Variants in MAPRE2 observed in about 807,000 individuals in gnomAD.
The protein encoded by MAPRE2 is microtubule-associated protein RP/EB family member 2.
MAPRE2 carries 13 observed loss-of-function variants against 43.2 expected under a neutral mutation model. The ratio of observed to expected loss-of-function variants is 0.30; its 90% CI spans 0.20 to 0.48. The LOEUF (loss-of-function observed/expected upper bound fraction) is 0.48, where lower values mean the gene tolerates loss of function less well. MAPRE2 is among the 20% of genes least tolerant of loss of function. The pLI is 0.99. For synonymous variants in MAPRE2, 135 were observed against 148.8 expected, an observed-to-expected ratio of 0.91 and a Z score of 0.68; for missense variants, 161 against 400.2, an observed-to-expected ratio of 0.40 and a Z score of 5.10.
chr18:35,070,490 A>G, intron 2 of MAPRE2, 168 bp downstream of exon 2: 1 of 500,970 alleles, frequency 2.0e-6, no homozygotes, highest in African/African-American at 2.0e-5. Context: ...CGTATTGGGA[A>G]AAGTGTTTAT....
intron 1 of MAPRE2, among the ~76,000 whole-genome samples, chr18:34,994,491 A>G (rs1324804729): frequency 6.6e-6 from 1 of 152,110 alleles, no homozygotes; most frequent in Non-Finnish European, 1.5e-5. Context: ...GAGGCAGCAA[A>G]AAAGGCCTTG....
intron 2 of MAPRE2, among the ~76,000 whole-genome samples, chr18:35,072,886 G>A (rs951751228): frequency 1.3e-5 from 2 of 152,028 alleles, no homozygotes; most frequent in African/African-American, 4.8e-5. Context: ...TGGTTCAGAA[G>A]AATGAAGTGG....
At chr18:35,054,937 G>A (rs1351650952) in intron 1 of MAPRE2, among the ~76,000 whole-genome samples, 1 of 152,166 alleles carries the variant, frequency 6.6e-6, no homozygotes, top group Admixed American at 6.5e-5. Context: ...GAGGGGAAAT[G>A]ACCGAAGTCG....
intron 2 of MAPRE2, among the ~76,000 whole-genome samples, chr18:35,018,632 T>C (rs2097039998): frequency 6.6e-6 from 1 of 152,008 alleles, no homozygotes; most frequent in Non-Finnish European, 1.5e-5. Context: ...CATAATAGCC[T>C]CTGAGGATCT....
chr18:34,999,520 T>A (rs1344802083), intron 1 of MAPRE2, among the ~76,000 whole-genome samples: 1 of 152,204 alleles, frequency 6.6e-6, no homozygotes, highest in African/African-American at 2.4e-5. Context: ...GAATTTTTAT[T>A]TTATTGTAAC....
chr18:35,140,265 T>G, intron 6 of MAPRE2, 30 bp from the exon 7 acceptor site: 1 of 1,603,120 alleles, frequency 6.2e-7, no homozygotes, highest in Non-Finnish European at 8.5e-7. Context: ...CAGTCAATTA[T>G]CTCAGCTGAA....
intron 4 of MAPRE2, among the ~76,000 whole-genome samples, chr18:35,116,623 C>T (rs1032528999): frequency 3.3e-5 from 5 of 152,210 alleles, no homozygotes; most frequent in African/African-American, 1.2e-4. Flanking sequence ...TTCCTAGAGG[C>T]CACTTGCACC....
At chr18:35,067,419 A>T (rs563092316) in intron 1 of MAPRE2, among the ~76,000 whole-genome samples, 1 of 152,256 alleles carries the variant, frequency 6.6e-6, no homozygotes, top group African/African-American at 2.4e-5. Context: ...GTTTATATGG[A>T]TTTTTAAAAA....
At chr18:35,065,369 T>C (rs1446409705) in intron 1 of MAPRE2, among the ~76,000 whole-genome samples, 3 of 152,066 alleles carry the variant, frequency 2.0e-5, no homozygotes, top group Admixed American at 6.6e-5. Context: ...AAAAAGTGTG[T>C]AACTATATTG....
chr18:35,039,860 C>A (rs1251430237), upstream of MAPRE2, among the ~76,000 whole-genome samples: 3 of 152,186 alleles, frequency 2.0e-5, no homozygotes, highest in Non-Finnish European at 4.4e-5. Flanking sequence ...CACCCCAATT[C>A]TTCCCTTTTC....
chr18:34,977,474 C>T (rs1233640421), intron 1 of MAPRE2, among the ~76,000 whole-genome samples: 1 of 152,206 alleles, frequency 6.6e-6, no homozygotes, highest in Non-Finnish European at 1.5e-5. Context: ...CGCGACTGCG[C>T]GACCGCGGCG....
At chr18:35,011,738 A>G (rs2097034807) in intron 2 of MAPRE2, among the ~76,000 whole-genome samples, 1 of 152,156 alleles carries the variant, frequency 6.6e-6, no homozygotes, top group Admixed American at 6.5e-5. Context: ...AGGTGGCAAA[A>G]AAAAGGAAAA....
At chr18:35,100,971 G>A (rs538158541) in intron 3 of MAPRE2, among the ~76,000 whole-genome samples, 30 of 152,284 alleles carry the variant, frequency 2.0e-4, no homozygotes, top group South Asian at 1.0e-3. Flanking sequence ...CCCAGGAGGC[G>A]GAGGTTGCAG....
At chr18:35,043,806 T>C (rs1905485942) in intron 1 of MAPRE2, among the ~76,000 whole-genome samples, 1 of 152,202 alleles carries the variant, frequency 6.6e-6, no homozygotes, top group Non-Finnish European at 1.5e-5. Context: ...GACAGACACA[T>C]TCGATGTTTT....
chr18:34,983,619 T>TGTTCATTTAA (rs1219634658), intron 1 of MAPRE2, among the ~76,000 whole-genome samples: 1 of 152,214 alleles, frequency 6.6e-6, no homozygotes, highest in African/African-American at 2.4e-5. Context: ...ATTTTATTTC[T>TGTTCATTTAA]TTTCATTTAA....
intron 4 of MAPRE2, among the ~76,000 whole-genome samples, chr18:35,118,182 G>A (rs1478384262): frequency 6.6e-6 from 1 of 152,140 alleles, no homozygotes; most frequent in Admixed American, 6.5e-5. Flanking sequence ...AGGTCCTCAG[G>A]TGCTGACCAC....
intron 1 of MAPRE2, among the ~76,000 whole-genome samples, chr18:35,050,008 AGGT>A (rs1235874992): frequency 6.6e-6 from 1 of 152,236 alleles, no homozygotes; most frequent in Non-Finnish European, 1.5e-5. Context: ...GGTCATCACT[AGGT>A]TAAAAATATT....
At chr18:35,046,398 C>T (rs1905622671) in intron 1 of MAPRE2, among the ~76,000 whole-genome samples, 1 of 152,148 alleles carries the variant, frequency 6.6e-6, no homozygotes, top group Non-Finnish European at 1.5e-5. Context: ...AAAAGTTTCT[C>T]TGAAGTCCAG....
rs896992741 is a variant in MAPRE2, at chr18:35,092,031, G to A, written c.251-5415G>A. ...GTGGCTGGAGCAGGAGCAAGAGAGA[G>A]ATGTGGGAGTTGCTTCACACTTGCT... On this transcript the variant is annotated intron_variant, in intron 2 of 6. Transcript: ENST00000300249. 2.6e-5 allele frequency among the ~76,000 whole-genome samples: 4 copies of A among 152,184 alleles called. No homozygotes were observed. In the East Asian group the frequency reaches 7.7e-4, roughly 29 times the overall value.
Sources: gnomAD v4.1 joint callset for allele counts (sites outside exome capture counted in the v4.1 genomes callset) on GRCh38, gnomAD v4.1.1 for gene constraint, MANE v1.5 for transcripts, NCBI Gene and HGNC (gene_info 2026-07-23, HGNC 2026-07-21) for gene names.